The following NPC1 variants were observed in gnomAD, a reference collection of about 807,000 sequenced individuals.
NPC1 encodes Niemann-Pick C1 protein.
A neutral mutation model predicts 140.4 loss-of-function variants in NPC1; 85 were observed. The observed-to-expected ratio is 0.61, with a 90% CI of 0.51 to 0.72. The LOEUF (loss-of-function observed/expected upper bound fraction) is 0.72, where lower values mean the gene tolerates loss of function less well. Ranked by LOEUF, NPC1 falls within the 30% of genes least tolerant of loss-of-function variation. The pLI is 0.00. For missense variants in NPC1, 1,504 were observed against 1,623.8 expected, an observed-to-expected ratio of 0.93 and a Z score of 1.27; for synonymous variants, 656 against 624.8, an observed-to-expected ratio of 1.05 and a Z score of -0.74.
At chr18:23,520,566 T>C (rs537261503), downstream of NPC1, among the ~76,000 whole-genome samples, 43 of 152,304 alleles carry the variant, frequency 2.8e-4, no homozygotes, top group African/African-American at 1.0e-3. Flanking sequence ...TTCAAGTGAT[T>C]ATCCTGCCTC....
At chr18:23,577,980 C>G (rs540863152) in intron 1 of NPC1, among the ~76,000 whole-genome samples, 1 of 152,230 alleles carries the variant, frequency 6.6e-6, no homozygotes, top group Non-Finnish European at 1.5e-5. Context: ...CCGCAAGTGC[C>G]GCACACAGCC....
rs550401857 is a variant in NPC1, at chr18:23,580,881, G to C, written c.57+5406C>G. 1.2e-3 allele frequency among the ~76,000 whole-genome samples: 187 copies of C among 152,350 alleles called. 1 individual carries two copies. Among genetic ancestry groups the C allele is most frequent in the Non-Finnish European group, 5.9e-4 (40 of 68,024 alleles). On this transcript the variant is annotated intron_variant, in intron 1 of 24. Transcript: ENST00000269228. The stretch of plus-strand genomic sequence containing the variant: ...GGGCATTTAGGGTGGAGGCTGCCGG[G>C]CTGGTCTGACTTCTATTGACGGAAA...
intron 1 of NPC1, among the ~76,000 whole-genome samples, chr18:23,579,590 TAAAAAA>T (rs966720762): frequency 6.6e-6 from 1 of 151,756 alleles, no homozygotes; most frequent in East Asian, 1.9e-4. Flanking sequence ...CAGGAAAGGT[TAAAAAA>T]AAGCCCCTTC....
At chr18:23,555,167 C>G (rs574706631) in intron 8 of NPC1, among the ~76,000 whole-genome samples, 183 bp from the exon 9 acceptor site, 8 of 152,350 alleles carry the variant, frequency 5.3e-5, no homozygotes, top group Non-Finnish European at 7.4e-5. Flanking sequence ...CAGGCCCACT[C>G]TAACAGCAAA....
chr18:23,549,869 G>C (rs2058843244), intron 10 of NPC1, among the ~76,000 whole-genome samples: 1 of 151,604 alleles, frequency 6.6e-6, no homozygotes, highest in East Asian at 2.0e-4. Flanking sequence ...AGTCTCCCGA[G>C]TAGCTGGGAC....
At chr18:23,542,103 T>C (rs2058720854) in intron 14 of NPC1, among the ~76,000 whole-genome samples, 2 of 152,154 alleles carry the variant, frequency 1.3e-5, no homozygotes, top group African/African-American at 4.8e-5. Context: ...TAACTGTCTT[T>C]TTAGATAGGA....
intron 4 of NPC1, among the ~76,000 whole-genome samples, chr18:23,564,091 TCTC>T (rs1175903819): frequency 6.9e-6 from 1 of 144,878 alleles, no homozygotes; most frequent in Non-Finnish European, 1.5e-5. Context: ...CTGAAGCAAT[TCTC>T]CTGCCTCAGC....
intron 1 of NPC1, chr18:23,524,274 C>A: frequency 6.6e-7 from 1 of 1,510,618 alleles, no homozygotes; most frequent in Non-Finnish European, 9.2e-7. Context: ...GAATAACACT[C>A]CGAGAGCCAC....
In NPC1 at chr18:23,548,342, T is replaced by C. The variant is rs1205200662; in HGVS notation, c.1655-234A>G. Among the ~76,000 whole-genome samples, 7 of 144,096 alleles carry C rather than the reference T, an allele frequency of 4.9e-5. No individual in the cohort carries two copies. The East Asian group carries it at 9.7e-4, about 20-fold the overall frequency. The allele number at this position is 144,096 out of a possible 152,430, so 94.5% of individuals were successfully genotyped here. A position where few individuals can be genotyped will look rare whatever the true frequency, so the allele number is the denominator to read the frequency against. On this transcript the variant is annotated intron_variant, in intron 10 of 24. Coordinates refer to ENST00000269228, the MANE Select transcript of NPC1 (RefSeq NM_000271.5). ...TTATCATTCAGGAAGAGTAACTCTTTTTTTTTTTTTTTTTAAAGGATACAG... is the reference window on the plus strand; with the variant it reads ...TTATCATTCAGGAAGAGTAACTCTTCTTTTTTTTTTTTTTAAAGGATACAG...
intron 1 of NPC1, among the ~76,000 whole-genome samples, chr18:23,585,481 G>T (rs1303672328): frequency 6.6e-6 from 1 of 152,134 alleles, no homozygotes; most frequent in African/African-American, 2.4e-5. Flanking sequence ...CTATGTGAGG[G>T]GCGTTAATGT....
rs188372175 is a variant in NPC1, at chr18:23,584,970, C to A, written c.57+1317G>T. ...GCCAAGGTGGAAGGACTGCTTGAGGCCAGGAGTTCCAGGCTGCAGTGAGCT... is the reference window on the plus strand; with the variant it reads ...GCCAAGGTGGAAGGACTGCTTGAGGACAGGAGTTCCAGGCTGCAGTGAGCT... On this transcript the variant is annotated intron_variant, in intron 1 of 24. Transcript: ENST00000269228. Among the ~76,000 whole-genome samples the A allele has an allele frequency of 1.2e-3, 187 of 152,296 alleles. 5 individuals carry two copies. The East Asian group carries it at 0.019, about 16-fold the overall frequency.
chr18:23,529,646 T>G (rs1407710049), downstream of NPC1: 1 of 1,614,138 alleles, frequency 6.2e-7, no homozygotes, highest in Non-Finnish European at 8.5e-7. Flanking sequence ...AGATGCCTCA[T>G]AAATTTGTGA....
chr18:23,532,808 T>C, intron 24 of NPC1: 1 of 885,218 alleles, frequency 1.1e-6, no homozygotes, highest in Non-Finnish European at 1.4e-6. Flanking sequence ...TCTACTTCAG[T>C]GCTTCAATTT....
In NPC1 at chr18:23,560,415, C is replaced by T; in HGVS notation, c.697G>A (p.Glu233Lys). The T allele has an allele frequency of 3.7e-6, 6 of 1,614,206 alleles. No homozygotes were observed. The highest frequency in any genetic ancestry group is 5.1e-6 in the Non-Finnish European group (6 of 1,180,018). The change falls in exon 6 of 25, where the codon GAG becomes AAG. Residue 233 changes from glutamate to lysine, a missense_variant. Transcript: ENST00000269228. ...TGGCAGCTACATGGTGCTGTGACCT[C>T]ATCCACAGACTCGTCACAGCCTTTG... The part of the protein sequence containing the change: ...ATKGCDESVD[E>K]VTAPCSCQDC...
At chr18:23,540,609 A>G in intron 16 of NPC1, 72 bp from the exon 17 acceptor site, 1 of 1,129,912 alleles carries the variant, frequency 8.9e-7, no homozygotes. Context: ...TAAAATCTTA[A>G]GCACACACAA....
At chr18:23,543,065 C>T (rs564995021) in intron 14 of NPC1, among the ~76,000 whole-genome samples, 5 of 152,126 alleles carry the variant, frequency 3.3e-5, no homozygotes, top group Non-Finnish European at 7.3e-5. Context: ...CGGGGGCTCA[C>T]GCCTGTAATC....
intron 20 of NPC1, among the ~76,000 whole-genome samples, chr18:23,537,169 A>G (rs2058644367): frequency 1.3e-5 from 2 of 152,084 alleles, no homozygotes; most frequent in African/African-American, 2.4e-5. Context: ...CCCGGGTTCA[A>G]GCAATTCTCC....
chr18:23,549,036 GC>G (rs1390956477), intron 10 of NPC1, among the ~76,000 whole-genome samples: 2 of 152,142 alleles, frequency 1.3e-5, no homozygotes, highest in Non-Finnish European at 1.5e-5. Context: ...CAATCCTCCT[GC>G]TTTGCCCTCC....
At chr18:23,523,245 T>C (rs2058191517) in intron 1 of NPC1, among the ~76,000 whole-genome samples, 1 of 152,076 alleles carries the variant, frequency 6.6e-6, no homozygotes, top group African/African-American at 2.4e-5. Flanking sequence ...ACCTGGGTAA[T>C]TGGAACAGAA....
Sources: gnomAD v4.1 joint callset for allele counts (sites outside exome capture counted in the v4.1 genomes callset) on GRCh38, gnomAD v4.1.1 for gene constraint, MANE v1.5 for transcripts, NCBI Gene and HGNC (gene_info 2026-07-23, HGNC 2026-07-21) for gene names.